Variants in ANKRD44 observed in about 807,000 individuals in gnomAD.
ANKRD44 encodes the protein ankyrin repeat domain 44.
A neutral mutation model predicts 116.0 loss-of-function variants in ANKRD44; 35 were observed. The ratio of observed to expected loss-of-function variants is 0.30; its 90% CI spans 0.23 to 0.40. The LOEUF is 0.40. ANKRD44 is among the 10% of genes least tolerant of loss of function. ANKRD44 has a pLI of 1.00. For missense variants in ANKRD44, 1,014 were observed against 1,242.6 expected, an observed-to-expected ratio of 0.82 and a Z score of 2.77; for synonymous variants, 435 against 461.8, an observed-to-expected ratio of 0.94 and a Z score of 0.74.
intron 3 of ANKRD44, among the ~76,000 whole-genome samples, chr2:197,141,143 G>A (rs1234859785): frequency 6.6e-6 from 1 of 152,120 alleles, no homozygotes; most frequent in Admixed American, 6.5e-5. Flanking sequence ...CTTGAACCTG[G>A]GAGGTGGAGG....
At chr2:197,274,015 ATATATATATATATG>A (rs1559208715) in intron 1 of ANKRD44, among the ~76,000 whole-genome samples, 1 of 105,742 alleles carries the variant, frequency 9.5e-6, no homozygotes, top group Non-Finnish European at 1.9e-5. Context: ...ATATATATAT[ATATATATATATATG>A]AATCAGACAG....
chr2:196,968,387 A>G (rs1043116745), intron 21 of ANKRD44, among the ~76,000 whole-genome samples: 2 of 152,192 alleles, frequency 1.3e-5, no homozygotes, highest in African/African-American at 4.8e-5. Context: ...CAGCATCATC[A>G]TCATCTTTAT....
intron 8 of ANKRD44, among the ~76,000 whole-genome samples, chr2:197,119,900 TAGCTGTC>T (rs1559078973): frequency 2.0e-5 from 3 of 152,214 alleles, no homozygotes; most frequent in African/African-American, 7.2e-5. Context: ...TCCCCTTGGT[TAGCTGTC>T]ACATGGCAAG....
chr2:197,310,103 A>G (rs1467055205), intron 1 of ANKRD44, among the ~76,000 whole-genome samples: 1 of 152,134 alleles, frequency 6.6e-6, no homozygotes. Context: ...ATAAATAAAG[A>G]CAGCCCGGCC....
chr2:197,011,742 G>C (rs1432599349), intron 18 of ANKRD44, among the ~76,000 whole-genome samples: 1 of 152,098 alleles, frequency 6.6e-6, no homozygotes, highest in Non-Finnish European at 1.5e-5. Flanking sequence ...CAAAGTGCTG[G>C]GATTACAGGC....
intron 10 of ANKRD44, among the ~76,000 whole-genome samples, chr2:197,097,342 G>T (rs1264139895): frequency 6.6e-6 from 1 of 152,128 alleles, no homozygotes; most frequent in East Asian, 1.9e-4. Context: ...TACAGGTAAA[G>T]TCAGTTGGTG....
At chr2:197,095,345 T>A (rs946285507) in intron 10 of ANKRD44, among the ~76,000 whole-genome samples, 4 of 152,226 alleles carry the variant, frequency 2.6e-5, no homozygotes, top group African/African-American at 9.6e-5. Context: ...GGACAAGTGA[T>A]AAGGCTGAAC....
chr2:197,155,266 T>C (rs1007957485), intron 2 of ANKRD44, among the ~76,000 whole-genome samples: 4 of 152,358 alleles, frequency 2.6e-5, no homozygotes, highest in Admixed American at 1.3e-4. Flanking sequence ...TTTGAGGTGA[T>C]GAGTAACTTG....
chr2:197,114,599 C>A (rs900534913), intron 8 of ANKRD44, among the ~76,000 whole-genome samples: 1 of 152,170 alleles, frequency 6.6e-6, no homozygotes, highest in African/African-American at 2.4e-5. Context: ...CTTTCCTCAT[C>A]TTCCAATATC....
downstream of ANKRD44, among the ~76,000 whole-genome samples, chr2:196,982,842 C>A (rs2075811408): frequency 6.6e-6 from 1 of 152,260 alleles, no homozygotes; most frequent in East Asian, 1.9e-4. Context: ...GAATACTATG[C>A]AGCCATAAAA....
intron 5 of ANKRD44, 108 bp downstream of exon 5, chr2:197,125,729 C>A: frequency 3.1e-6 from 4 of 1,285,704 alleles, no homozygotes; most frequent in Non-Finnish European, 4.4e-6. Flanking sequence ...GTTTGGTGTA[C>A]AAATATTTTC....
At chr2:197,118,306 G>T (rs764564337) in intron 8 of ANKRD44, among the ~76,000 whole-genome samples, 1 of 149,794 alleles carries the variant, frequency 6.7e-6, no homozygotes, top group Non-Finnish European at 1.5e-5. Flanking sequence ...AGAAACTAAA[G>T]TCTGGGCGTG....
intron 1 of ANKRD44, among the ~76,000 whole-genome samples, chr2:197,243,338 C>T (rs2082128232): frequency 6.6e-6 from 1 of 151,852 alleles, no homozygotes; most frequent in Non-Finnish European, 1.5e-5. Flanking sequence ...CCTTAAAGAA[C>T]CTAAGAAACA....
chr2:197,015,381 GA>G (rs2076372747), intron 17 of ANKRD44: 1 of 585,076 alleles, frequency 1.7e-6, no homozygotes, highest in African/African-American at 1.9e-5. Context: ...TGGAAAAAAA[GA>G]GAGGATTTGC....
At chr2:197,018,397 C>T (rs973550795) in intron 17 of ANKRD44, among the ~76,000 whole-genome samples, 24 of 152,146 alleles carry the variant, frequency 1.6e-4, no homozygotes, top group South Asian at 2.1e-4. Context: ...AGCTGCATGT[C>T]CCCCTCTGGG....
At chr2:197,262,301 C>T (rs186688482) in intron 1 of ANKRD44, among the ~76,000 whole-genome samples, 2 of 152,298 alleles carry the variant, frequency 1.3e-5, no homozygotes, top group East Asian at 3.9e-4. Context: ...CCTAAAATTA[C>T]TTATTAATAT....
At chr2:197,073,645 A>G (rs1278903014) in intron 16 of ANKRD44, among the ~76,000 whole-genome samples, 1 of 152,174 alleles carries the variant, frequency 6.6e-6, no homozygotes, top group Non-Finnish European at 1.5e-5. Flanking sequence ...ATCTCCCTGA[A>G]GCTTCCCTCC....
rs539906404 is a variant in ANKRD44 at position 197,256,715 on chromosome 2, T to A, written c.27+53863A>T. On this transcript the variant is annotated intron_variant, in intron 1 of 27. Coordinates refer to ENST00000282272, the MANE Select transcript of ANKRD44 (RefSeq NM_001195144.2). ...GATTTAAAACAAAGGCCTTGGTGTT[T>A]CAGAAAATGGCATACAAAAGGGGAG... Among the ~76,000 whole-genome samples the A allele has an allele frequency of 3.9e-5, 6 of 152,272 alleles. No homozygotes were observed. The East Asian group carries it at 7.7e-4, about 20-fold the overall frequency.
chr2:197,295,239 G>C (rs2083683165), intron 1 of ANKRD44, among the ~76,000 whole-genome samples: 1 of 152,182 alleles, frequency 6.6e-6, no homozygotes, highest in East Asian at 1.9e-4. Flanking sequence ...CTCGATTTCT[G>C]AAGAGGATGG....
Sources: gnomAD v4.1 joint callset for allele counts (sites outside exome capture counted in the v4.1 genomes callset) on GRCh38, gnomAD v4.1.1 for gene constraint, MANE v1.5 for transcripts, NCBI Gene and HGNC (gene_info 2026-07-23, HGNC 2026-07-21) for gene names.